The following BRINP3 variants were observed in gnomAD, a reference collection of about 807,000 sequenced individuals.
BRINP3 encodes BMP/retinoic acid inducible neural specific 3.
BRINP3 carries 19 observed loss-of-function variants against 71.0 expected under a neutral mutation model. The ratio of observed to expected loss-of-function variants is 0.27; its 90% confidence interval spans 0.19 to 0.39. The LOEUF is 0.39. BRINP3 is among the 10% of genes least tolerant of loss of function. The pLI is 1.00. For missense variants in BRINP3, 959 were observed against 940.8 expected, an observed-to-expected ratio of 1.02 and a Z score of -0.25; for synonymous variants, 380 against 337.7, an observed-to-expected ratio of 1.13 and a Z score of -1.37.
At chr1:190,433,022 T>C (rs1483784352) in intron 2 of BRINP3, among the ~76,000 whole-genome samples, 1 of 152,166 alleles carries the variant, frequency 6.6e-6, no homozygotes, top group Non-Finnish European at 1.5e-5. Context: ...ACCAAAAAAA[T>C]CTATTTTAGA....
chr1:190,153,994 T>C, intron 7 of BRINP3: 5 of 699,922 alleles, frequency 7.1e-6, no homozygotes, highest in Non-Finnish European at 8.8e-6. Flanking sequence ...CAAATAACAG[T>C]ACAACATAAA....
intron 7 of BRINP3, among the ~76,000 whole-genome samples, chr1:190,109,746 T>C (rs903044262): frequency 1.3e-5 from 2 of 152,208 alleles, no homozygotes; most frequent in African/African-American, 4.8e-5. Flanking sequence ...GGCAAGCTCT[T>C]TTTTTCCCTG....
At chr1:190,321,167 G>T (rs900674191) in intron 2 of BRINP3, among the ~76,000 whole-genome samples, 3 of 152,008 alleles carry the variant, frequency 2.0e-5, no homozygotes, top group Non-Finnish European at 4.4e-5. Flanking sequence ...TCAGAACACT[G>T]AAGAATAGAG....
intron 2 of BRINP3, among the ~76,000 whole-genome samples, chr1:190,399,385 T>C (rs1456363705): frequency 6.6e-6 from 1 of 151,818 alleles, no homozygotes; most frequent in Non-Finnish European, 1.5e-5. Context: ...GGGAGCTAAT[T>C]TGTGATCCTT....
intron 7 of BRINP3, among the ~76,000 whole-genome samples, chr1:190,159,418 A>G (rs1221675848): frequency 6.6e-6 from 1 of 152,114 alleles, no homozygotes; most frequent in Non-Finnish European, 1.5e-5. Flanking sequence ...GTGTACATGA[A>G]TGTTTATAGA....
chr1:190,390,146 T>C (rs1671161929), intron 2 of BRINP3, among the ~76,000 whole-genome samples: 1 of 151,786 alleles, frequency 6.6e-6, no homozygotes, highest in Non-Finnish European at 1.5e-5. Context: ...CAGGTAAATC[T>C]TGGGGGAAAT....
At chr1:190,406,526 C>T (rs1012274421) in intron 2 of BRINP3, among the ~76,000 whole-genome samples, 9 of 152,126 alleles carry the variant, frequency 5.9e-5, no homozygotes, top group Non-Finnish European at 7.4e-5. Context: ...GACTTTTCAT[C>T]TACTTATTTC....
intron 4 of BRINP3, among the ~76,000 whole-genome samples, chr1:190,236,653 C>T (rs1412970): frequency 0.38 from 58,167 of 151,652 alleles, 12,523 homozygotes; most frequent in Non-Finnish European, 0.49. Context: ...CTACTATTCC[C>T]CACTACTGAT....
intron 2 of BRINP3, among the ~76,000 whole-genome samples, chr1:190,418,487 G>C (rs1283177182): frequency 2.6e-5 from 4 of 151,804 alleles, no homozygotes; most frequent in African/African-American, 4.8e-5. Context: ...CTTCATTCTT[G>C]GTAAATGTTT....
chr1:190,166,970 CCG>C (rs1486396781), intron 6 of BRINP3, among the ~76,000 whole-genome samples: 1 of 151,970 alleles, frequency 6.6e-6, no homozygotes, highest in Non-Finnish European at 1.5e-5. Context: ...GGTGATCTGC[CCG>C]CCTCAGCCTC....
intron 2 of BRINP3, among the ~76,000 whole-genome samples, chr1:190,334,050 T>A (rs1475508304): frequency 1.3e-5 from 2 of 151,826 alleles, no homozygotes; most frequent in Non-Finnish European, 2.9e-5. Context: ...CTTCCCACAT[T>A]TTCACCTCAC....
chr1:190,265,535 A>C (rs1404915610), intron 3 of BRINP3, among the ~76,000 whole-genome samples: 2 of 74,696 alleles, frequency 2.7e-5, no homozygotes, highest in Non-Finnish European at 5.7e-5. Context: ...CCCCGTCTCT[A>C]CTAAATATAT....
intron 2 of BRINP3, among the ~76,000 whole-genome samples, chr1:190,386,177 A>G (rs1056927311): frequency 6.7e-6 from 1 of 150,226 alleles, no homozygotes; most frequent in East Asian, 2.0e-4. Context: ...ACATGTATAC[A>G]TATGTAACTA....
intron 7 of BRINP3, among the ~76,000 whole-genome samples, chr1:190,141,271 G>T (rs1214954109): frequency 6.6e-6 from 1 of 151,778 alleles, no homozygotes; most frequent in Non-Finnish European, 1.5e-5. Flanking sequence ...TAGATGTTCT[G>T]CTAGTAAAAA....
At chr1:190,124,522 G>T (rs1653936354) in intron 7 of BRINP3, among the ~76,000 whole-genome samples, 2 of 152,052 alleles carry the variant, frequency 1.3e-5, no homozygotes, top group Non-Finnish European at 2.9e-5. Flanking sequence ...ATGCGTAGAA[G>T]CTGCTTAACA....
intron 2 of BRINP3, among the ~76,000 whole-genome samples, chr1:190,311,318 G>C (rs921504010): frequency 6.6e-6 from 1 of 151,580 alleles, no homozygotes; most frequent in Non-Finnish European, 1.5e-5. Context: ...AGCATCCAAG[G>C]CTACAGAAAA....
At chr1:190,439,824 TATACA>T (rs1322398196) in intron 2 of BRINP3, among the ~76,000 whole-genome samples, 4 of 152,000 alleles carry the variant, frequency 2.6e-5, no homozygotes, top group Non-Finnish European at 4.4e-5. Flanking sequence ...AAAGCATTCA[TATACA>T]ATGGCAAAAA....
chr1:190,166,050 C>T (rs1420505385), intron 6 of BRINP3, among the ~76,000 whole-genome samples: 1 of 152,080 alleles, frequency 6.6e-6, no homozygotes, highest in East Asian at 1.9e-4. Flanking sequence ...TGAAATTTCC[C>T]AATATCTACA....
In BRINP3 at chr1:190,101,166, T is replaced by A. The variant is rs533511707; in HGVS notation, c.1185-2032A>T. Among the ~76,000 whole-genome samples, 43 of 152,312 alleles carry A rather than the reference T, an allele frequency of 2.8e-4. 1 individual carries two copies. In the South Asian group the frequency reaches 6.6e-3, roughly 23 times the overall value. On this transcript the variant is annotated intron_variant, in intron 7 of 7. Coordinates refer to ENST00000367462, the MANE Select transcript of BRINP3 (RefSeq NM_199051.3). ...TATAATTACCGAGTCTGTGATATTC[T>A]CTTACAGCAGCATGAAGTGGACTAA...
Sources: gnomAD v4.1 joint callset for allele counts (sites outside exome capture counted in the v4.1 genomes callset) on GRCh38, gnomAD v4.1.1 for gene constraint, MANE v1.5 for transcripts, NCBI Gene and HGNC (gene_info 2026-07-23, HGNC 2026-07-21) for gene names.